Variants in MARCO observed in about 807,000 individuals in gnomAD.
MARCO encodes macrophage receptor MARCO.
In MARCO, 72 loss-of-function variants were observed where a neutral mutation model predicts 70.0. The ratio of observed to expected loss-of-function variants is 1.03; its 90% CI spans 0.85 to 1.25. MARCO has a LOEUF of 1.25. MARCO is among the 50% of genes most tolerant of loss of function. The probability of loss-of-function intolerance (pLI) is 0.00; values close to 1 mark genes in which losing one functional copy is unlikely to be tolerated. For synonymous variants in MARCO, 273 were observed against 243.1 expected (o/e 1.12, Z -1.14); for missense variants, 696 against 659.3 (o/e 1.06, Z -0.61).
intron 1 of MARCO, among the ~76,000 whole-genome samples, chr2:118,962,441 A>G (rs754232808): frequency 4.0e-5 from 6 of 151,862 alleles, no homozygotes; most frequent in Non-Finnish European, 7.4e-5. Flanking sequence ...CACGTCCTCT[A>G]TTAACTGTAT....
chr2:118,957,714 A>G (rs1013239855), intron 1 of MARCO, among the ~76,000 whole-genome samples: 2 of 152,022 alleles, frequency 1.3e-5, no homozygotes, highest in Admixed American at 1.3e-4. Context: ...AAAAAAGAAA[A>G]CTACAGACCA....
intron 1 of MARCO, among the ~76,000 whole-genome samples, chr2:118,957,555 A>G (rs1294933364): frequency 6.6e-6 from 1 of 152,128 alleles, no homozygotes; most frequent in Non-Finnish European, 1.5e-5. Context: ...ACAGATTCAC[A>G]GCAGAATTCT....
chr2:118,987,966 G>A (rs1680547627), intron 12 of MARCO, among the ~76,000 whole-genome samples: 1 of 152,178 alleles, frequency 6.6e-6, no homozygotes, highest in African/African-American at 2.4e-5. Flanking sequence ...TGCCTTCAGG[G>A]AACATTGGGA....
Position 118,982,492 on chromosome 2 carries a change from C to T in MARCO, c.1063+82C>T, listed in dbSNP as rs75288198. The stretch of plus-strand genomic sequence containing the variant: ...AGAGAAAAACTGCTTCTTCTTAGGC[C>T]CACGGAGGAGGCAGAGGGTCTTCTG... On this transcript the variant is annotated intron_variant, in intron 12 of 16. Coordinates refer to ENST00000327097, the MANE Select transcript of MARCO (RefSeq NM_006770.4). The T allele has an allele frequency of 9.1e-3, 12,196 of 1,337,044 alleles. 829 individuals are homozygous for T. In the African/African-American group the frequency reaches 0.15, roughly 16 times the overall value. 82.8% of individuals were successfully genotyped at this position (1,337,044 alleles called of 1,614,324 possible).
intron 1 of MARCO, among the ~76,000 whole-genome samples, chr2:118,960,369 C>T (rs995009581): frequency 2.0e-5 from 3 of 152,006 alleles, no homozygotes; most frequent in African/African-American, 7.2e-5. Flanking sequence ...CTGTCTTTCA[C>T]CATTAAGTAT....
chr2:118,974,983 C>T (rs543486910), intron 6 of MARCO, among the ~76,000 whole-genome samples: 10 of 152,244 alleles, frequency 6.6e-5, no homozygotes, highest in South Asian at 2.1e-4. Context: ...CCAAAGAAAC[C>T]GAGCCTCAGT....
intron 1 of MARCO, among the ~76,000 whole-genome samples, chr2:118,948,843 T>C (rs6752793): frequency 0.22 from 33,935 of 151,930 alleles, 5,716 homozygotes; most frequent in African/African-American, 0.47. Flanking sequence ...GATGAAATAC[T>C]AGAGTAAAAG....
intron 1 of MARCO, among the ~76,000 whole-genome samples, chr2:118,948,894 A>G (rs973383477): frequency 2.6e-5 from 4 of 152,198 alleles, no homozygotes; most frequent in African/African-American, 9.7e-5. Context: ...TGCTCCAATT[A>G]TTTGGCAGAG....
At chr2:118,949,878 G>A (rs920170958) in intron 1 of MARCO, 1 of 152,170 alleles carries the variant, frequency 6.6e-6, no homozygotes, top group Admixed American at 6.5e-5. Context: ...CCAGGCTGAT[G>A]CTGATGTACT....
chr2:118,979,639 C>T (rs974689784), intron 8 of MARCO, among the ~76,000 whole-genome samples: 1 of 152,194 alleles, frequency 6.6e-6, no homozygotes, highest in African/African-American at 2.4e-5. Context: ...AGAATCCACA[C>T]CCAGACTCAG....
intron 1 of MARCO, among the ~76,000 whole-genome samples, chr2:118,956,095 A>C (rs1366036750): frequency 1.3e-5 from 2 of 152,182 alleles, no homozygotes; most frequent in Admixed American, 1.3e-4. Flanking sequence ...AATGAAACAA[A>C]GTACAGGCAA....
chr2:118,986,586 G>GAAAAAGAAAGAAAGA (rs1553416602), intron 12 of MARCO, among the ~76,000 whole-genome samples: 1 of 46,666 alleles, frequency 2.1e-5, no homozygotes, highest in African/African-American at 1.2e-4. Context: ...GGGAAGGAAA[G>GAAAAAGAAAGAAAGA]AAGAAAGAAA....
At chr2:118,979,182 T>A (rs1680342642) in intron 8 of MARCO, among the ~76,000 whole-genome samples, 1 of 152,150 alleles carries the variant, frequency 6.6e-6, no homozygotes, top group Non-Finnish European at 1.5e-5. Flanking sequence ...TCCTCAAATA[T>A]TCAAAGGGCA....
intron 16 of MARCO, 46 bp from the exon 17 acceptor site, chr2:118,994,341 C>A: frequency 6.2e-7 from 1 of 1,612,502 alleles, no homozygotes; most frequent in South Asian, 1.1e-5. Context: ...TGCTTTGACT[C>A]TAATCCTACC....
chr2:118,954,452 C>T (rs1677323854), intron 1 of MARCO, among the ~76,000 whole-genome samples: 2 of 152,184 alleles, frequency 1.3e-5, no homozygotes, highest in South Asian at 4.1e-4. Flanking sequence ...CATGCCTAGT[C>T]CCACCCCTGG....
At chr2:118,958,376 A>G (rs929949992) in intron 1 of MARCO, among the ~76,000 whole-genome samples, 4 of 151,586 alleles carry the variant, frequency 2.6e-5, no homozygotes, top group African/African-American at 7.3e-5. Context: ...AGAGAATCAA[A>G]TCAGGAACTC....
In MARCO at chr2:118,969,173, G is replaced by A. The variant is rs150852591; in HGVS notation, c.111G>A (p.Lys37=). The change falls in exon 2 of 17, where the codon AAG becomes AAA. Residue 37 remains lysine, a synonymous_variant. Coordinates refer to ENST00000327097, the MANE Select transcript of MARCO (RefSeq NM_006770.4). The part of the protein sequence containing the change: ...EPFEINVPKP[K]RRNGVNFSLA... Reference sequence around the variant, plus strand: ...CTTGTGTTTCAGTTCCAAAGCCCAAGAGGAGAAATGGGGTGAACTTCTCCC... The same window carrying A: ...CTTGTGTTTCAGTTCCAAAGCCCAAAAGGAGAAATGGGGTGAACTTCTCCC... 3.1e-6 allele frequency: 5 copies of A among 1,613,604 alleles called. No individual in the cohort carries two copies. Among genetic ancestry groups the A allele is most frequent in the Admixed American group, 1.7e-5 (1 of 60,012 alleles).
At chr2:118,951,855 T>G (rs1311016739) in intron 1 of MARCO, among the ~76,000 whole-genome samples, 1 of 151,972 alleles carries the variant, frequency 6.6e-6, no homozygotes, top group Non-Finnish European at 1.5e-5. Flanking sequence ...CTCTGTCTCT[T>G]TCTCTCACTC....
intron 1 of MARCO, 25 bp downstream of exon 1, chr2:118,942,422 G>T: frequency 6.7e-7 from 1 of 1,493,880 alleles, no homozygotes; most frequent in South Asian, 1.1e-5. Flanking sequence ...CCCAATAATG[G>T]AAATGACCAG....
Sources: gnomAD v4.1 joint callset for allele counts (sites outside exome capture counted in the v4.1 genomes callset) on GRCh38, gnomAD v4.1.1 for gene constraint, MANE v1.5 for transcripts, NCBI Gene and HGNC (gene_info 2026-07-23, HGNC 2026-07-21) for gene names.